Variants in SUPT3H observed in about 807,000 individuals in gnomAD.
SUPT3H encodes the protein SPT3 homolog, SAGA and STAGA complex component.
In SUPT3H, 44 loss-of-function variants were observed where a neutral mutation model predicts 44.3. That is an observed-to-expected ratio of 0.99 (90% CI 0.78 to 1.28). SUPT3H has a LOEUF of 1.28. Ranked by LOEUF, SUPT3H falls within the 50% of genes most tolerant of loss-of-function variation. The pLI is 0.00. For missense variants in SUPT3H, 380 were observed against 387.1 expected (o/e 0.98, Z 0.15); for synonymous variants, 124 against 125.6 (o/e 0.99, Z 0.09).
intron 2 of SUPT3H, among the ~76,000 whole-genome samples, chr6:45,179,919 G>A (rs1189676616): frequency 1.3e-5 from 2 of 152,182 alleles, no homozygotes; most frequent in Non-Finnish European, 2.9e-5. Context: ...AAAAGAGGAA[G>A]TCAAATTGTC....
chr6:45,177,394 A>G (rs571350808), intron 2 of SUPT3H, among the ~76,000 whole-genome samples: 6 of 152,202 alleles, frequency 3.9e-5, no homozygotes, highest in African/African-American at 1.2e-4. Context: ...AAACGAGTAA[A>G]GCCTCCAAGA....
chr6:44,882,894 T>C (rs1386501706), intron 10 of SUPT3H, among the ~76,000 whole-genome samples: 3 of 152,160 alleles, frequency 2.0e-5, no homozygotes, highest in African/African-American at 7.2e-5. Flanking sequence ...CTCAAAATAA[T>C]AAGAGCTGTT....
At chr6:45,223,869 T>C (rs978190204) in intron 2 of SUPT3H, among the ~76,000 whole-genome samples, 1 of 151,110 alleles carries the variant, frequency 6.6e-6, no homozygotes, top group Admixed American at 6.6e-5. Context: ...AATTCCTCAA[T>C]TTAAAACATT....
chr6:45,317,091 G>A (rs973420630), intron 2 of SUPT3H, among the ~76,000 whole-genome samples: 7 of 151,728 alleles, frequency 4.6e-5, no homozygotes, highest in African/African-American at 1.2e-4. Context: ...GCCAGGCATC[G>A]TGGCATGCAC....
At chr6:45,269,461 T>C (rs1775770374) in intron 2 of SUPT3H, among the ~76,000 whole-genome samples, 2 of 152,230 alleles carry the variant, frequency 1.3e-5, no homozygotes, top group African/African-American at 4.8e-5. Flanking sequence ...CCATGACAAC[T>C]ACAATTTGAG....
At chr6:45,111,270 A>T (rs2153574268) in intron 2 of SUPT3H, among the ~76,000 whole-genome samples, 1 of 152,254 alleles carries the variant, frequency 6.6e-6, no homozygotes, top group African/African-American at 2.4e-5. Context: ...TGACCTCGTG[A>T]TCTGCCCACC....
At chr6:45,064,972 T>C (rs1053716686) in intron 3 of SUPT3H, among the ~76,000 whole-genome samples, 2 of 150,540 alleles carry the variant, frequency 1.3e-5, no homozygotes, top group African/African-American at 4.9e-5. Context: ...AATAGACATC[T>C]ACAGAACTCT....
chr6:44,859,829 C>G lies in SUPT3H; in HGVS notation c.913-29972G>C, dbSNP rs116214022. ...AAAAATGTTCTGCTTTATAACTTAACCCCATTTCTTGTCCTTACAATATAA... is the reference window on the plus strand; with the variant it reads ...AAAAATGTTCTGCTTTATAACTTAAGCCCATTTCTTGTCCTTACAATATAA... On this transcript the variant is annotated intron_variant, in intron 10 of 10. Coordinates refer to ENST00000371459, the MANE Select transcript of SUPT3H (RefSeq NM_003599.4). Among the ~76,000 whole-genome samples the G allele has an allele frequency of 7.6e-3, 1,161 of 152,234 alleles. 22 individuals are homozygous for G. Among genetic ancestry groups the G allele is most frequent in the African/African-American group, 0.026 (1,094 of 41,536 alleles).
At chr6:45,307,452 C>G (rs1374568072) in intron 2 of SUPT3H, among the ~76,000 whole-genome samples, 1 of 152,208 alleles carries the variant, frequency 6.6e-6, no homozygotes, top group African/African-American at 2.4e-5. Context: ...GCAACATTTG[C>G]TGTTCAGCAA....
chr6:44,921,122 C>A (rs1457910148), intron 10 of SUPT3H, among the ~76,000 whole-genome samples: 4 of 152,162 alleles, frequency 2.6e-5, no homozygotes, highest in Admixed American at 2.6e-4. Flanking sequence ...CCATACCTCC[C>A]TCCCAATATA....
chr6:44,885,864 T>G (rs1762182587), intron 10 of SUPT3H, among the ~76,000 whole-genome samples: 1 of 152,012 alleles, frequency 6.6e-6, no homozygotes, highest in South Asian at 2.1e-4. Flanking sequence ...GGTGAAAACT[T>G]TGAAAAAAAT....
At chr6:44,945,810 T>C (rs932945736) in intron 9 of SUPT3H, among the ~76,000 whole-genome samples, 1 of 152,174 alleles carries the variant, frequency 6.6e-6, no homozygotes, top group African/African-American at 2.4e-5. Flanking sequence ...GTCCTGAAGG[T>C]TAAGCTAAGA....
At chr6:45,235,202 A>T (rs779562112) in intron 2 of SUPT3H, among the ~76,000 whole-genome samples, 10 of 152,226 alleles carry the variant, frequency 6.6e-5, no homozygotes, top group Non-Finnish European at 1.2e-4. Context: ...ATTTTTCTGC[A>T]TCAGTATAAA....
At chr6:45,055,446 C>T (rs1369456911) in intron 3 of SUPT3H, among the ~76,000 whole-genome samples, 1 of 152,088 alleles carries the variant, frequency 6.6e-6, no homozygotes, top group Non-Finnish European at 1.5e-5. Flanking sequence ...GCTGTATTCA[C>T]CAAAACAGCA....
chr6:44,915,708 T>C (rs1767705081), intron 10 of SUPT3H, among the ~76,000 whole-genome samples: 1 of 152,190 alleles, frequency 6.6e-6, no homozygotes, highest in African/African-American at 2.4e-5. Context: ...AACTCAGACA[T>C]TCATTTCTAT....
intron 2 of SUPT3H, among the ~76,000 whole-genome samples, chr6:45,226,789 A>G (rs1384429946): frequency 6.6e-6 from 1 of 152,012 alleles, no homozygotes; most frequent in Non-Finnish European, 1.5e-5. Flanking sequence ...CTGCCCTCCT[A>G]AAGTGCTGGG....
At chr6:44,905,661 C>T (rs539789124) in intron 10 of SUPT3H, among the ~76,000 whole-genome samples, 1 of 152,212 alleles carries the variant, frequency 6.6e-6, no homozygotes, top group South Asian at 2.1e-4. Flanking sequence ...CCAGCCATCC[C>T]ATTACTGGGT....
intron 2 of SUPT3H, among the ~76,000 whole-genome samples, chr6:45,141,353 A>AAG (rs1288706108): frequency 6.7e-6 from 1 of 150,216 alleles, no homozygotes; most frequent in African/African-American, 2.4e-5. Context: ...AAAAAAAAAA[A>AAG]AAAAAAAAAA....
intron 4 of SUPT3H, 100 bp from the exon 5 acceptor site, chr6:45,014,991 T>C (rs1244090376): frequency 3.3e-6 from 2 of 597,210 alleles, no homozygotes; most frequent in Admixed American, 4.1e-5. Flanking sequence ...TTGTACCCCA[T>C]GATATCAGAG....
Sources: gnomAD v4.1 joint callset for allele counts (sites outside exome capture counted in the v4.1 genomes callset) on GRCh38, gnomAD v4.1.1 for gene constraint, MANE v1.5 for transcripts, NCBI Gene and HGNC (gene_info 2026-07-23, HGNC 2026-07-21) for gene names.